The following RIMS2 variants were observed in gnomAD, a reference collection of about 807,000 sequenced individuals.
RIMS2 encodes the protein regulating synaptic membrane exocytosis protein 2.
Under a neutral mutation model 174.4 loss-of-function variants are expected in RIMS2, and 59 were observed. The ratio of observed to expected loss-of-function variants is 0.34; its 90% CI spans 0.27 to 0.42. The LOEUF (loss-of-function observed/expected upper bound fraction) is 0.42, where lower values mean the gene tolerates loss of function less well. Ranked by LOEUF, RIMS2 falls within the 10% of genes least tolerant of loss-of-function variation. The pLI, the probability that RIMS2 is intolerant of heterozygous loss-of-function variation, is 1.00. For missense variants in RIMS2, 1,620 were observed against 1,666.3 expected (o/e 0.97, Z 0.48); for synonymous variants, 606 against 572.5 (o/e 1.06, Z -0.84).
At chr8:104,028,874 A>G (rs1431548012) in intron 19 of RIMS2, among the ~76,000 whole-genome samples, 1 of 152,196 alleles carries the variant, frequency 6.6e-6, no homozygotes, top group Non-Finnish European at 1.5e-5. Context: ...CAAGTCCACA[A>G]AGTGAAAGCA....
chr8:104,225,737 A>G (rs960164456), intron 19 of RIMS2, among the ~76,000 whole-genome samples: 1 of 152,192 alleles, frequency 6.6e-6, no homozygotes, highest in Admixed American at 6.5e-5. Flanking sequence ...ATCCCATAAT[A>G]TGGCTTCTTA....
At chr8:104,078,637 A>G (rs1301499427) in intron 19 of RIMS2, among the ~76,000 whole-genome samples, 1 of 152,216 alleles carries the variant, frequency 6.6e-6, no homozygotes, top group Admixed American at 6.5e-5. Context: ...GAGGAACACA[A>G]TTCAGTCTAT....
At chr8:103,817,650 C>T (rs1286495999) in intron 3 of RIMS2, among the ~76,000 whole-genome samples, 1 of 152,046 alleles carries the variant, frequency 6.6e-6, no homozygotes, top group Non-Finnish European at 1.5e-5. Context: ...CGTGGTGGCA[C>T]ACTCCTGTAA....
At chr8:103,672,845 G>A (rs571402411) in intron 1 of RIMS2, among the ~76,000 whole-genome samples, 58 of 152,158 alleles carry the variant, frequency 3.8e-4, no homozygotes, top group African/African-American at 1.4e-3. Context: ...ATTGTAACTT[G>A]TTCTATTGTT....
chr8:104,245,406 G>T (rs1158674712), intron 20 of RIMS2, among the ~76,000 whole-genome samples: 1 of 152,210 alleles, frequency 6.6e-6, no homozygotes, highest in Non-Finnish European at 1.5e-5. Context: ...AACAATGCTA[G>T]TTTTAAGAAT....
chr8:103,551,398 A>G (rs1398727479), intron 1 of RIMS2, among the ~76,000 whole-genome samples: 1 of 152,234 alleles, frequency 6.6e-6, no homozygotes, highest in Non-Finnish European at 1.5e-5. Context: ...AAAATTCAAC[A>G]GCACTTCATT....
intron 3 of RIMS2, among the ~76,000 whole-genome samples, chr8:103,878,441 T>A (rs1168073816): frequency 6.6e-6 from 1 of 151,844 alleles, no homozygotes; most frequent in Admixed American, 6.6e-5. Flanking sequence ...TGGTGAGTTA[T>A]CTTCTTGATA....
chr8:104,159,077 G>A (rs1460645515), intron 19 of RIMS2, among the ~76,000 whole-genome samples: 1 of 152,080 alleles, frequency 6.6e-6, no homozygotes, highest in Non-Finnish European at 1.5e-5. Context: ...TTTGTATAAG[G>A]TGTAAGGGAG....
At chr8:103,528,238 G>GT (rs926978788) in intron 1 of RIMS2, among the ~76,000 whole-genome samples, 27 of 147,112 alleles carry the variant, frequency 1.8e-4, no homozygotes, top group South Asian at 4.3e-4. Flanking sequence ...CAATGGGGTT[G>GT]TTTTTTTTTT....
chr8:103,618,636 C>G (rs146638014), intron 1 of RIMS2, among the ~76,000 whole-genome samples: 1 of 152,246 alleles, frequency 6.6e-6, no homozygotes, highest in Admixed American at 6.5e-5. Flanking sequence ...CCCTCTTCTT[C>G]TGATTCCTCT....
At chr8:103,971,228 G>T (rs894462578) in intron 15 of RIMS2, among the ~76,000 whole-genome samples, 2 of 151,972 alleles carry the variant, frequency 1.3e-5, no homozygotes, top group Non-Finnish European at 2.9e-5. Flanking sequence ...AAAATGTTGA[G>T]GGTTTAATTA....
chr8:103,743,727 G>T (rs888734869), intron 2 of RIMS2, among the ~76,000 whole-genome samples: 2 of 152,106 alleles, frequency 1.3e-5, no homozygotes, highest in Non-Finnish European at 2.9e-5. Context: ...TCCCCATTAA[G>T]TATAATCTTT....
At chr8:103,934,473 A>G (rs142877248) in intron 12 of RIMS2, among the ~76,000 whole-genome samples, 1 of 152,070 alleles carries the variant, frequency 6.6e-6, no homozygotes, top group African/African-American at 2.4e-5. Flanking sequence ...GTTATTTTTC[A>G]TAGTTCTTTT....
chr8:103,641,397 T>C lies in RIMS2; in HGVS notation c.177-55689T>C, dbSNP rs2096226910. ...GTGAGAAACATTTGAGTTATTCTTT[T>C]CTATTTTGAAATATACAATAGATTA... On this transcript the variant is annotated intron_variant, in intron 1 of 23. Coordinates refer to ENST00000504942, the Ensembl canonical transcript of RIMS2. 2.6e-5 allele frequency among the ~76,000 whole-genome samples: 4 copies of C among 152,196 alleles called. No homozygotes were observed. The South Asian group carries it at 8.3e-4, about 31-fold the overall frequency.
At chr8:103,789,918 A>AT (rs2098481726) in intron 3 of RIMS2, among the ~76,000 whole-genome samples, 2 of 151,488 alleles carry the variant, frequency 1.3e-5, no homozygotes, top group East Asian at 3.9e-4. Flanking sequence ...ATGTCCAGAT[A>AT]TTTTTTTCTA....
chr8:103,635,445 A>T (rs1282806068), intron 1 of RIMS2, among the ~76,000 whole-genome samples: 2 of 152,042 alleles, frequency 1.3e-5, no homozygotes, highest in African/African-American at 4.8e-5. Context: ...GGGCACCGAC[A>T]TAACACTCTG....
intron 1 of RIMS2, among the ~76,000 whole-genome samples, chr8:103,576,014 T>C (rs2093205045): frequency 6.6e-6 from 1 of 152,198 alleles, no homozygotes; most frequent in Admixed American, 6.5e-5. Context: ...AAATTATCCT[T>C]GAGGACAACC....
intron 8 of RIMS2, among the ~76,000 whole-genome samples, chr8:103,918,093 A>G (rs1041676234): frequency 1.3e-5 from 2 of 152,236 alleles, no homozygotes; most frequent in Non-Finnish European, 2.9e-5. Context: ...AAAACCAAAG[A>G]GCAGAATAGA....
intron 1 of RIMS2, among the ~76,000 whole-genome samples, chr8:103,681,282 C>T (rs2096877138): frequency 6.6e-6 from 1 of 151,932 alleles, no homozygotes; most frequent in Non-Finnish European, 1.5e-5. Context: ...TTACCTGTTA[C>T]ATAGTAAGTA....
Sources: allele counts gnomAD v4.1 joint callset (sites outside exome capture counted in the v4.1 genomes callset), GRCh38; gene constraint gnomAD v4.1.1; transcripts MANE v1.5; gene names NCBI Gene and HGNC (gene_info 2026-07-23, HGNC 2026-07-21).